Variants in HNRNPD observed in about 807,000 individuals in gnomAD.
The protein encoded by HNRNPD is heterogeneous nuclear ribonucleoprotein D.
HNRNPD carries 3 observed loss-of-function variants against 47.9 expected under a neutral mutation model. That is an observed-to-expected ratio of 0.06 (90% CI 0.03 to 0.16). HNRNPD has a LOEUF of 0.16. Ranked by LOEUF, HNRNPD falls within the 10% of genes least tolerant of loss-of-function variation. The probability of loss-of-function intolerance (pLI) is 1.00; values close to 1 mark genes in which losing one functional copy is unlikely to be tolerated. For missense variants in HNRNPD, 287 were observed against 454.2 expected, an observed-to-expected ratio of 0.63 and a Z score of 3.35; for synonymous variants, 171 against 165.1, an observed-to-expected ratio of 1.04 and a Z score of -0.28.
chr4:82,355,184 T>C (rs977498095), intron 8 of HNRNPD, 120 bp downstream of exon 8: 6 of 664,962 alleles, frequency 9.0e-6, no homozygotes, highest in African/African-American at 5.5e-5. Context: ...CACTATGTTA[T>C]AATATGGTAA....
rs957533157 is a variant in HNRNPD, at chr4:82,373,426, C to G, written c.233+20G>C. On this transcript the variant is annotated intron_variant, in intron 1 of 8. Coordinates refer to ENST00000313899, the MANE Select transcript of HNRNPD (RefSeq NM_031370.3). Reference sequence around the variant, plus strand: ...GGGGGACTAGTTGGGCCTGACTATCCTGGGATGCCCCTTACTCACCCTTCA... The same window carrying G: ...GGGGGACTAGTTGGGCCTGACTATCGTGGGATGCCCCTTACTCACCCTTCA... The G allele has an allele frequency of 1.9e-6, 3 of 1,569,178 alleles. No homozygotes were observed. Among genetic ancestry groups the G allele is most frequent in the Non-Finnish European group, 2.6e-6 (3 of 1,155,700 alleles).
intron 2 of HNRNPD, among the ~76,000 whole-genome samples, chr4:82,371,252 G>T (rs1457553194): frequency 6.6e-6 from 1 of 151,912 alleles, no homozygotes; most frequent in African/African-American, 2.4e-5. Flanking sequence ...ATTTTTTCTT[G>T]CTCGATATAA....
intron 2 of HNRNPD, among the ~76,000 whole-genome samples, chr4:82,361,747 A>G (rs1484388747): frequency 6.6e-6 from 1 of 152,182 alleles, no homozygotes; most frequent in Non-Finnish European, 1.5e-5. Flanking sequence ...TGAAGCCCCA[A>G]ATGTTTTTCA....
intron 2 of HNRNPD, among the ~76,000 whole-genome samples, chr4:82,367,060 T>TCATATTA (rs1360074174): frequency 1.5e-5 from 2 of 135,178 alleles, no homozygotes; most frequent in African/African-American, 6.0e-5. Flanking sequence ...GAAACAGGGG[T>TCATATTA]CATATTATGT....
intron 1 of HNRNPD, among the ~76,000 whole-genome samples, chr4:82,372,943 G>A (rs1720139066): frequency 6.6e-6 from 1 of 152,348 alleles, no homozygotes; most frequent in East Asian, 1.9e-4. Context: ...GAGGTGGACA[G>A]CCTACGCGTT....
intron 2 of HNRNPD, among the ~76,000 whole-genome samples, chr4:82,364,603 T>C (rs1379151663): frequency 6.6e-6 from 1 of 152,184 alleles, no homozygotes. Context: ...CATATTCTAA[T>C]ATTTTCAATG....
chr4:82,355,447 C>T (rs1248344000), intron 7 of HNRNPD, 46 bp from the exon 8 acceptor site: 2 of 1,347,450 alleles, frequency 1.5e-6, no homozygotes, highest in African/African-American at 1.4e-5. Flanking sequence ...TGGTTACATA[C>T]TAATAATCAG....
chr4:82,360,157 T>G (rs1031651921), intron 2 of HNRNPD, among the ~76,000 whole-genome samples: 1 of 152,140 alleles, frequency 6.6e-6, no homozygotes, highest in Non-Finnish European at 1.5e-5. Context: ...AGCCAATTTT[T>G]TTGATGTGCT....
chr4:82,369,687 C>CAAA (rs60372443), intron 2 of HNRNPD, among the ~76,000 whole-genome samples: 110 of 122,648 alleles, frequency 9.0e-4, no homozygotes, highest in East Asian at 2.5e-3. Flanking sequence ...GTGCAGACAC[C>CAAA]AAAAAAAAAA....
intron 2 of HNRNPD, among the ~76,000 whole-genome samples, chr4:82,361,614 T>C (rs1408749037): frequency 6.6e-6 from 1 of 152,238 alleles, no homozygotes; most frequent in Non-Finnish European, 1.5e-5. Context: ...AGTTTTGATT[T>C]TATTTAACCA....
rs1370012605 is a variant in HNRNPD, at chr4:82,353,523, G to T, written c.*662C>A. The T allele has an allele frequency of 6.6e-6, 1 of 152,478 alleles. No homozygotes were observed. Among genetic ancestry groups the T allele is most frequent in the Non-Finnish European group, 1.5e-5 (1 of 67,992 alleles). 9.4% of individuals were successfully genotyped at this position (152,478 alleles called of 1,614,324 possible). A position where few individuals can be genotyped will look rare whatever the true frequency, so the allele number is the denominator to read the frequency against. On this transcript the variant is annotated 3_prime_UTR_variant, in exon 9 of 9. Coordinates refer to ENST00000313899, the MANE Select transcript of HNRNPD (RefSeq NM_031370.3). Reference sequence around the variant, plus strand: ...TACTTTTGCACATTTATCCAGATTTGTTCTAAAAAGCACAATACATATTAA... The same window carrying T: ...TACTTTTGCACATTTATCCAGATTTTTTCTAAAAAGCACAATACATATTAA...
intron 4 of HNRNPD, 90 bp from the exon 5 acceptor site, chr4:82,357,534 G>C: frequency 9.1e-7 from 1 of 1,101,560 alleles, no homozygotes; most frequent in Non-Finnish European, 1.3e-6. Flanking sequence ...AACACACAAA[G>C]AAAACATGTA....
chr4:82,358,938 CA>C (rs1207199044), intron 3 of HNRNPD, 118 bp from the exon 4 acceptor site: 1 of 732,650 alleles, frequency 1.4e-6, no homozygotes, highest in Non-Finnish European at 2.2e-6. Flanking sequence ...TTGACTTGCT[CA>C]AGATTAAACT....
intron 2 of HNRNPD, among the ~76,000 whole-genome samples, chr4:82,366,122 G>A (rs916548192): frequency 6.6e-6 from 1 of 152,160 alleles, no homozygotes; most frequent in Non-Finnish European, 1.5e-5. Context: ...ATATACAATG[G>A]ACCAAACATT....
rs1333478587 is a variant in HNRNPD, at chr4:82,356,899, A to G, written c.754-4T>C. The G allele has an allele frequency of 1.2e-6, 2 of 1,607,912 alleles. No individual in the cohort carries two copies. Among genetic ancestry groups the G allele is most frequent in the Non-Finnish European group, 1.7e-6 (2 of 1,174,556 alleles). ...ACATGGCTACTTTTATTTCACACTA[A>G]AAGAGAAAAATTACATTATTAAACT... On this transcript the variant is annotated splice_polypyrimidine_tract_variant and splice_region_variant and intron_variant, in intron 5 of 8. Transcript: ENST00000313899.
intron 8 of HNRNPD, 47 bp downstream of exon 8, chr4:82,355,257 A>G (rs1723667652): frequency 1.9e-6 from 2 of 1,027,024 alleles, no homozygotes; most frequent in Admixed American, 1.9e-5. Flanking sequence ...ATAGATTATA[A>G]AAACTACTAT....
At chr4:82,358,865 G>A (rs761313713) in intron 3 of HNRNPD, 45 bp from the exon 4 acceptor site, 3 of 1,329,642 alleles carry the variant, frequency 2.3e-6, no homozygotes, top group African/African-American at 3.0e-5. Flanking sequence ...TATCTTAACT[G>A]AAGTTCAGAG....
At chr4:82,357,825 T>G in intron 4 of HNRNPD, 1 of 158,280 alleles carries the variant, frequency 6.3e-6, no homozygotes, top group Non-Finnish European at 1.4e-5. Context: ...CTGGAGAGCA[T>G]ATGCCCAAAC....
At chr4:82,370,528 T>C (rs1578057853) in intron 2 of HNRNPD, among the ~76,000 whole-genome samples, 1 of 29,242 alleles carries the variant, frequency 3.4e-5, no homozygotes, top group African/African-American at 2.6e-4. Context: ...GACCCCAGTC[T>C]TTTTTTTTTC....
Sources: gnomAD v4.1 joint callset for allele counts (sites outside exome capture counted in the v4.1 genomes callset) on GRCh38, gnomAD v4.1.1 for gene constraint, MANE v1.5 for transcripts, NCBI Gene and HGNC (gene_info 2026-07-23, HGNC 2026-07-21) for gene names.